CMPK2: variants seen among roughly 807,000 people sequenced by gnomAD.
CMPK2 encodes UMP-CMP kinase 2, mitochondrial.
Under a neutral mutation model 33.4 loss-of-function variants are expected in CMPK2, and 32 were observed. That is an observed-to-expected ratio of 0.96 (90% CI 0.72 to 1.29). The LOEUF (loss-of-function observed/expected upper bound fraction) is 1.29, where lower values mean the gene tolerates loss of function less well. Among genes scored for constraint, CMPK2 ranks in the 50% most tolerant of loss-of-function variants. The probability of loss-of-function intolerance (pLI) is 0.00; values close to 1 mark genes in which losing one functional copy is unlikely to be tolerated. For synonymous variants in CMPK2, 299 were observed against 275.3 expected (o/e 1.09, Z -0.85); for missense variants, 672 against 616.0 (o/e 1.09, Z -0.96).
chr2:6,846,410 A>G (rs1662363146), downstream of CMPK2, among the ~76,000 whole-genome samples: 1 of 122,672 alleles, frequency 8.2e-6, no homozygotes, highest in South Asian at 3.6e-4. Flanking sequence ...GTGAAAATTT[A>G]GACTGAAGTC....
In CMPK2 at chr2:6,848,928, A is replaced by G. The variant is rs1662431073; in HGVS notation, c.*922T>C. 2 of 985,720 alleles carry G rather than the reference A, an allele frequency of 2.0e-6. No homozygotes were observed. The highest frequency in any genetic ancestry group is 3.5e-5 in the African/African-American group (2 of 57,254). The allele number at this position is 985,720 out of a possible 1,614,324, so 61.1% of individuals were successfully genotyped here. A position where few individuals can be genotyped will look rare whatever the true frequency, so the allele number is the denominator to read the frequency against. On this transcript the variant is annotated 3_prime_UTR_variant, in exon 5 of 5. Coordinates refer to ENST00000256722, the MANE Select transcript of CMPK2 (RefSeq NM_207315.4). ...TTAACAAGACAAATTAAGTTTGTGT[A>G]ATGAAAATACACAACAAACATTGCA...
At chr2:6,861,450 A>G (rs1057257201) in intron 2 of CMPK2, 65 bp from the exon 3 acceptor site, 2 of 1,251,318 alleles carry the variant, frequency 1.6e-6, no homozygotes, top group Admixed American at 3.8e-5. Context: ...TGACGTAGAA[A>G]GAGCACAGAC....
rs1017665560 is a variant in CMPK2 at position 6,848,938 on chromosome 2, C to T, written c.*912G>A. On this transcript the variant is annotated 3_prime_UTR_variant, in exon 5 of 5. Transcript: ENST00000256722. Reference sequence around the variant, plus strand: ...AAATTAAGTTTGTGTAATGAAAATACACAACAAACATTGCATTTAGCGTTT... The same window carrying T: ...AAATTAAGTTTGTGTAATGAAAATATACAACAAACATTGCATTTAGCGTTT... 7 of 985,770 alleles carry T rather than the reference C, an allele frequency of 7.1e-6. No individual in the cohort carries two copies. The highest frequency in any genetic ancestry group is 8.4e-6 in the Non-Finnish European group (7 of 829,860). 61.1% of individuals were successfully genotyped at this position (985,770 alleles called of 1,614,324 possible).
downstream of CMPK2, among the ~76,000 whole-genome samples, chr2:6,843,921 G>T (rs1011830660): frequency 2.6e-5 from 4 of 152,184 alleles, no homozygotes; most frequent in Non-Finnish European, 5.9e-5. Flanking sequence ...AGGGATCCTG[G>T]ATAGTAATGG....
rs764053181 is a variant in CMPK2 at position 6,865,645 on chromosome 2, C to T, written c.52G>A (p.Gly18Arg). The change falls in exon 1 of 5, where the codon GGG (glycine) becomes AGG (arginine). Residue 18 changes from glycine (G) to arginine (R), a missense_variant. Transcript: ENST00000256722. ...GCCCCAGCGCAGACCCCGCGCCGCC[C>T]GAGCAGCGGCCCCGACAGTGGCCCG... Reference protein sequence around the residue: ...LRGPLSGPLLGRRGVCAGAMA... With the variant: ...LRGPLSGPLLRRRGVCAGAMA... The T allele has an allele frequency of 2.2e-6, 3 of 1,346,422 alleles. No individual in the cohort carries two copies. The highest frequency in any genetic ancestry group is 1.9e-5 in the South Asian group (1 of 53,376). 83.4% of individuals were successfully genotyped at this position (1,346,422 alleles called of 1,614,324 possible).
intron 3 of CMPK2, among the ~76,000 whole-genome samples, chr2:6,858,217 T>C (rs552976643): frequency 6.6e-6 from 1 of 152,198 alleles, no homozygotes; most frequent in Non-Finnish European, 1.5e-5. Context: ...TTGCCTTTTT[T>C]TTTTTTAAAT....
intron 3 of CMPK2, among the ~76,000 whole-genome samples, chr2:6,852,906 C>A (rs531799463): frequency 2.0e-5 from 3 of 152,266 alleles, no homozygotes; most frequent in Non-Finnish European, 4.4e-5. Flanking sequence ...CGTAGAGATA[C>A]CCAGGGGCCC....
rs115617619 is a variant in CMPK2 at position 6,851,870 on chromosome 2, T to C, written c.993-187A>G. 0.013 allele frequency among the ~76,000 whole-genome samples: 2,020 copies of C among 152,316 alleles called. 46 individuals are homozygous for C. Among genetic ancestry groups the C allele is most frequent in the African/African-American group, 0.047 (1,951 of 41,560 alleles). ...ATACAATATTGTTTAAAAAATAAAATTGACAACAGTAATAATGCAGTGTGT... is the reference window on the plus strand; with the variant it reads ...ATACAATATTGTTTAAAAAATAAAACTGACAACAGTAATAATGCAGTGTGT... On this transcript the variant is annotated intron_variant, in intron 3 of 4. Coordinates refer to ENST00000256722, the MANE Select transcript of CMPK2 (RefSeq NM_207315.4).
downstream of CMPK2, among the ~76,000 whole-genome samples, chr2:6,845,576 C>T (rs889440658): frequency 6.6e-6 from 1 of 152,182 alleles, no homozygotes. Flanking sequence ...ACTAGTCATG[C>T]TCACCTGCAT....
At chr2:6,851,852 A>G (rs1662535951) in intron 3 of CMPK2, among the ~76,000 whole-genome samples, 169 bp from the exon 4 acceptor site, 1 of 152,254 alleles carries the variant, frequency 6.6e-6, no homozygotes, top group Admixed American at 6.5e-5. Context: ...GTTATACAAT[A>G]TTGTTTAAAA....
At position 6,849,272 on chromosome 2, in the gene CMPK2, T is replaced by C. The variant is rs1264918035; in HGVS notation, c.*578A>G. 2 of 985,336 alleles carry C rather than the reference T, an allele frequency of 2.0e-6. No homozygotes were observed. Among genetic ancestry groups the C allele is most frequent in the Non-Finnish European group, 2.4e-6 (2 of 829,952 alleles). 61.0% of individuals were successfully genotyped at this position (985,336 alleles called of 1,614,324 possible). On this transcript the variant is annotated 3_prime_UTR_variant, in exon 5 of 5. Transcript: ENST00000256722. ...AGATCAATGCCTTCTTTGTAAGTGT[T>C]CCTTACCCAAAAATGGCTCTGCAGG...
At chr2:6,842,176 G>T (rs928130978) in intron 3 of CMPK2, among the ~76,000 whole-genome samples, 3 of 152,134 alleles carry the variant, frequency 2.0e-5, no homozygotes, top group African/African-American at 7.2e-5. Flanking sequence ...TTTCCTGGAT[G>T]TCCTCTCTGG....
intron 3 of CMPK2, among the ~76,000 whole-genome samples, chr2:6,842,307 G>A (rs1026111448): frequency 1.3e-5 from 2 of 152,188 alleles, no homozygotes; most frequent in African/African-American, 4.8e-5. Flanking sequence ...GATCCCTCCA[G>A]CAGCAAAACT....
chr2:6,851,780 C>CA, intron 3 of CMPK2, 97 bp from the exon 4 acceptor site: 1 of 1,108,096 alleles, frequency 9.0e-7, no homozygotes. Context: ...AGGGTTGGCT[C>CA]TACAGAAGTT....
In CMPK2 at chr2:6,840,607, AT is replaced by A. The variant is rs1451858870; in HGVS notation, c.1063del (p.Ile355SerfsTer?). ...TTGACTCGAGTGTGATGAATCCAAG[AT>A]TCCAGTCCCACAAACTTCACTGCCG... On this transcript the variant is annotated frameshift_variant, in exon 4 of 4. Transcript: ENST00000458098. LOFTEE classifies it high-confidence loss of function. 1 of 702,308 alleles carries A rather than the reference AT, an allele frequency of 1.4e-6. No homozygotes were observed. The highest frequency in any genetic ancestry group is 2.0e-5 in the Admixed American group (1 of 50,014). The allele number at this position is 702,308 out of a possible 1,614,324, so 43.5% of individuals were successfully genotyped here.
chr2:6,865,002 G>T lies in CMPK2; in HGVS notation c.675+20C>A. On this transcript the variant is annotated intron_variant, in intron 1 of 4. Coordinates refer to ENST00000256722, the MANE Select transcript of CMPK2 (RefSeq NM_207315.4). ...GGTTCAGATGCCACGCTGGGAGCTGGAAGCGGACAGAACTCTTACCTCCTC... is the reference window on the plus strand; with the variant it reads ...GGTTCAGATGCCACGCTGGGAGCTGTAAGCGGACAGAACTCTTACCTCCTC... 1 of 1,403,266 alleles carries T rather than the reference G, an allele frequency of 7.1e-7. No homozygotes were observed. The highest frequency in any genetic ancestry group is 1.6e-5 in the South Asian group (1 of 62,196). The allele number at this position is 1,403,266 out of a possible 1,614,324, so 86.9% of individuals were successfully genotyped here.
chr2:6,858,757 G>C (rs1662790016), intron 3 of CMPK2, among the ~76,000 whole-genome samples: 1 of 152,196 alleles, frequency 6.6e-6, no homozygotes, highest in South Asian at 2.1e-4. Context: ...AAATTGCCCA[G>C]TCTCGTGTAC....
downstream of CMPK2, among the ~76,000 whole-genome samples, chr2:6,845,694 C>A (rs533005810): frequency 3.0e-4 from 46 of 152,312 alleles, no homozygotes; most frequent in East Asian, 7.7e-4. Flanking sequence ...TGGGTTTGGG[C>A]AAGACTCTTT....
In CMPK2 at chr2:6,848,987, T is replaced by C. The variant is rs938788348; in HGVS notation, c.*863A>G. ...TTTGACTCCACTTTTAATTAATGAA[T>C]CATAGCTCCTATGCTGAGGAAACAT... is the stretch of plus-strand genomic sequence containing the variant. On this transcript the variant is annotated 3_prime_UTR_variant, in exon 5 of 5. Coordinates refer to ENST00000256722, the MANE Select transcript of CMPK2 (RefSeq NM_207315.4). The C allele has an allele frequency of 1.0e-6, 1 of 985,420 alleles. No homozygotes were observed. Among genetic ancestry groups the C allele is most frequent in the African/African-American group, 1.7e-5 (1 of 57,232 alleles). 61.0% of individuals were successfully genotyped at this position (985,420 alleles called of 1,614,324 possible). A position where few individuals can be genotyped will look rare whatever the true frequency, so the allele number is the denominator to read the frequency against.
Sources: gnomAD v4.1 joint callset for allele counts (sites outside exome capture counted in the v4.1 genomes callset) on GRCh38, gnomAD v4.1.1 for gene constraint, MANE v1.5 for transcripts, NCBI Gene and HGNC (gene_info 2026-07-23, HGNC 2026-07-21) for gene names.